Variants in DIAPH2 observed in about 807,000 individuals in gnomAD.
The protein encoded by DIAPH2 is protein diaphanous homolog 2.
In DIAPH2, 35 loss-of-function variants were observed where a neutral mutation model predicts 92.7. The observed-to-expected ratio is 0.38, with a 90% CI of 0.29 to 0.50. The LOEUF is 0.50. Ranked by LOEUF, DIAPH2 falls within the 20% of genes least tolerant of loss-of-function variation. The probability of loss-of-function intolerance (pLI) is 0.94; values close to 1 mark genes in which losing one functional copy is unlikely to be tolerated. For synonymous variants in DIAPH2, 301 were observed against 280.4 expected, an observed-to-expected ratio of 1.07 and a Z score of -0.73; for missense variants, 701 against 819.5, an observed-to-expected ratio of 0.86 and a Z score of 1.77.
chrX:96,705,972 G>C (rs1333132507), intron 1 of DIAPH2, among the ~76,000 whole-genome samples: 1 of 112,579 alleles, frequency 8.9e-6, no homozygotes, highest in Non-Finnish European at 1.9e-5. Context: ...AGCCCTGCAA[G>C]TCATACCTGG....
At chrX:97,367,485 A>G (rs1409814972) in intron 24 of DIAPH2, among the ~76,000 whole-genome samples, 1 of 111,641 alleles carries the variant, frequency 9.0e-6, no homozygotes, top group African/African-American at 3.3e-5. Context: ...CCTGTATCCC[A>G]TTCAAACATG....
chrX:97,188,246 G>C (rs1389678730), intron 22 of DIAPH2, among the ~76,000 whole-genome samples: 1 of 111,859 alleles, frequency 8.9e-6, no homozygotes, highest in East Asian at 2.8e-4. Context: ...AGCATTTTTA[G>C]AATACTAGGG....
At chrX:97,032,218 G>A (rs1444656470) in intron 17 of DIAPH2, among the ~76,000 whole-genome samples, 1 of 111,012 alleles carries the variant, frequency 9.0e-6, no homozygotes, top group Non-Finnish European at 1.9e-5. Flanking sequence ...ACCTGGTTGG[G>A]GATGGAGAAG....
chrX:96,827,261 TTATC>T (rs2064821735), intron 4 of DIAPH2, among the ~76,000 whole-genome samples: 1 of 112,085 alleles, frequency 8.9e-6, no homozygotes, highest in African/African-American at 3.2e-5. Flanking sequence ...ATATTATCTG[TTATC>T]TATCTAACAC....
At chrX:96,865,952 T>C (rs749251216) in intron 4 of DIAPH2, among the ~76,000 whole-genome samples, 2 of 111,964 alleles carry the variant, frequency 1.8e-5, no homozygotes, top group Non-Finnish European at 3.8e-5. Context: ...CTATAAGATA[T>C]AATGAAACTG....
At chrX:96,840,838 C>T (rs1293101362) in intron 4 of DIAPH2, among the ~76,000 whole-genome samples, 2 of 110,340 alleles carry the variant, frequency 1.8e-5, no homozygotes, top group Non-Finnish European at 3.8e-5. Context: ...TGGTCTCGAT[C>T]TCCTGACCTT....
At chrX:97,149,747 A>AAAAAAAAAAAG (rs2067272821) in intron 22 of DIAPH2, among the ~76,000 whole-genome samples, 1 of 107,452 alleles carries the variant, frequency 9.3e-6, no homozygotes, top group African/African-American at 3.4e-5. Flanking sequence ...AAAAAAAAAA[A>AAAAAAAAAAAG]AAAGGACTTC....
chrX:96,753,038 G>A (rs2064203586), intron 3 of DIAPH2, among the ~76,000 whole-genome samples: 1 of 111,477 alleles, frequency 9.0e-6, no homozygotes. Context: ...ATGGGTACAC[G>A]GTAATGTAGA....
chrX:96,935,909 T>C (rs945074369), intron 10 of DIAPH2, among the ~76,000 whole-genome samples: 3 of 111,828 alleles, frequency 2.7e-5, no homozygotes, highest in Non-Finnish European at 3.8e-5. Context: ...TACTGTAAAA[T>C]GCGTGACAGG....
intron 26 of DIAPH2, among the ~76,000 whole-genome samples, chrX:97,579,577 A>C (rs947206612): frequency 7.2e-5 from 8 of 110,990 alleles, no homozygotes; most frequent in Non-Finnish European, 1.3e-4. Flanking sequence ...GTAGCCTTGT[A>C]GTATAGTTTG....
chrX:96,876,817 G>A (rs9306601), intron 4 of DIAPH2, among the ~76,000 whole-genome samples: 58,369 of 107,937 alleles, frequency 0.54, 12,990 homozygotes, highest in African/African-American at 0.82. Context: ...ATAAATGATG[G>A]GTTAATGGGT....
intron 23 of DIAPH2, among the ~76,000 whole-genome samples, chrX:97,309,437 A>G (rs1312527628): frequency 9.0e-6 from 1 of 111,418 alleles, no homozygotes; most frequent in East Asian, 2.8e-4. Flanking sequence ...TCATTGATGC[A>G]TTCTCAAGAC....
chrX:96,851,924 T>C (rs920827533), intron 4 of DIAPH2, among the ~76,000 whole-genome samples: 2 of 112,246 alleles, frequency 1.8e-5, no homozygotes, highest in Admixed American at 9.5e-5. Flanking sequence ...ATATATATTG[T>C]AAGAATTCCA....
chrX:96,692,109 TGA>T (rs1421654043), intron 1 of DIAPH2, among the ~76,000 whole-genome samples: 1 of 111,354 alleles, frequency 9.0e-6, no homozygotes, highest in Non-Finnish European at 1.9e-5. Context: ...AGCCAGTTAA[TGA>T]GACTTTTTTA....
chrX:97,084,412 A>G (rs999891452), intron 19 of DIAPH2, among the ~76,000 whole-genome samples: 21 of 111,707 alleles, frequency 1.9e-4, no homozygotes, highest in Non-Finnish European at 5.7e-5. Flanking sequence ...TGGTATTTTG[A>G]AATATTTTCC....
In DIAPH2 at chrX:97,232,192, T is replaced by C. The variant is rs2068014237; in HGVS notation, c.2720-15523T>C. ...CATAGCCCTTGCCTCTGGCGCCTGTTTTTCTGTTGCCCTCATTATGACCTT... is the reference window on the plus strand; with the variant it reads ...CATAGCCCTTGCCTCTGGCGCCTGTCTTTCTGTTGCCCTCATTATGACCTT... On this transcript the variant is annotated intron_variant, in intron 22 of 26. Coordinates refer to ENST00000324765, the MANE Select transcript of DIAPH2 (RefSeq NM_006729.5). 1.8e-5 allele frequency among the ~76,000 whole-genome samples: 2 copies of C among 110,773 alleles called. 1 individual carries two copies. Among genetic ancestry groups the C allele is most frequent in the South Asian group, 7.9e-4 (2 of 2,529 alleles).
chrX:97,048,964 C>G (rs1044884167), intron 17 of DIAPH2, among the ~76,000 whole-genome samples: 1 of 109,258 alleles, frequency 9.2e-6, no homozygotes, highest in African/African-American at 3.3e-5. Flanking sequence ...CATCTTGTAG[C>G]TACTCTCGCA....
chrX:97,545,760 A>T (rs1241179962), intron 26 of DIAPH2, among the ~76,000 whole-genome samples: 1 of 108,682 alleles, frequency 9.2e-6, no homozygotes, highest in African/African-American at 3.4e-5. Flanking sequence ...AGGAATTAAT[A>T]ATCTTGCCTT....
intron 26 of DIAPH2, among the ~76,000 whole-genome samples, chrX:97,483,686 C>G (rs2070668014): frequency 8.9e-6 from 1 of 111,741 alleles, no homozygotes; most frequent in Non-Finnish European, 1.9e-5. Flanking sequence ...ACGTACCTAG[C>G]TAGCTGCCTC....
Sources: gnomAD v4.1 joint callset for allele counts (sites outside exome capture counted in the v4.1 genomes callset) on GRCh38, gnomAD v4.1.1 for gene constraint, MANE v1.5 for transcripts, NCBI Gene and HGNC (gene_info 2026-07-23, HGNC 2026-07-21) for gene names.